MAP4K4: variants seen among roughly 807,000 people sequenced by gnomAD.
MAP4K4 encodes the protein mitogen-activated protein kinase kinase kinase kinase 4.
In MAP4K4, 38 loss-of-function variants were observed where a neutral mutation model predicts 189.6. The ratio of observed to expected loss-of-function variants is 0.20; its 90% CI spans 0.15 to 0.26. MAP4K4 has a LOEUF of 0.26. MAP4K4 is among the 10% of genes least tolerant of loss of function. The pLI, the probability that MAP4K4 is intolerant of heterozygous loss-of-function variation, is 1.00. For missense variants in MAP4K4, 1,054 were observed against 1,726.9 expected (o/e 0.61, Z 6.91); for synonymous variants, 610 against 624.3 (o/e 0.98, Z 0.34).
At chr2:101,718,805 C>G (rs1438655965) in intron 2 of MAP4K4, among the ~76,000 whole-genome samples, 2 of 152,140 alleles carry the variant, frequency 1.3e-5, no homozygotes, top group Non-Finnish European at 1.5e-5. Flanking sequence ...TTCAGTGCAT[C>G]TGGGAATCTG....
At chr2:101,698,905 C>G (rs765970170) in intron 2 of MAP4K4, among the ~76,000 whole-genome samples, 1 of 152,128 alleles carries the variant, frequency 6.6e-6, no homozygotes, top group Non-Finnish European at 1.5e-5. Context: ...GCGGGCCTTG[C>G]CTCTGACGAT....
intron 9 of MAP4K4, among the ~76,000 whole-genome samples, chr2:101,837,686 C>G (rs1439016350): frequency 6.6e-6 from 1 of 152,166 alleles, no homozygotes; most frequent in East Asian, 1.9e-4. Flanking sequence ...AAGTAGTACT[C>G]ATTTTCCCCT....
At chr2:101,730,212 G>T (rs780628454) in intron 2 of MAP4K4, among the ~76,000 whole-genome samples, 1 of 152,116 alleles carries the variant, frequency 6.6e-6, no homozygotes, top group Non-Finnish European at 1.5e-5. Context: ...ATGGCTTTCT[G>T]TCAGGATTCT....
chr2:101,747,729 T>C (rs1574811498), intron 2 of MAP4K4, among the ~76,000 whole-genome samples: 1 of 152,150 alleles, frequency 6.6e-6, no homozygotes. Flanking sequence ...TTAGAAAAGC[T>C]CTCTGAGGAA....
chr2:101,724,368 C>G lies in MAP4K4; in HGVS notation c.123+25830C>G, dbSNP rs556690602. Among the ~76,000 whole-genome samples, 8 of 152,156 alleles carry G rather than the reference C, an allele frequency of 5.3e-5. No homozygotes were observed. The South Asian group carries it at 1.7e-3, about 32-fold the overall frequency. On this transcript the variant is annotated intron_variant, in intron 2 of 32. Coordinates refer to ENST00000324219, the Ensembl canonical transcript of MAP4K4. The stretch of plus-strand genomic sequence containing the variant: ...CAGGATTAGTTATCTTGAGCCAGAT[C>G]GTGTCATCTATTTGGGCCTCAGGTT...
At chr2:101,877,476 CTTT>C (rs571878053) in intron 27 of MAP4K4, among the ~76,000 whole-genome samples, 12 of 132,804 alleles carry the variant, frequency 9.0e-5, no homozygotes, top group Admixed American at 1.5e-4. Context: ...TTCCACCAGA[CTTT>C]TTTTTTTTTT....
intron 2 of MAP4K4, among the ~76,000 whole-genome samples, chr2:101,755,451 A>G (rs1210307059): frequency 2.0e-5 from 3 of 152,166 alleles, no homozygotes; most frequent in African/African-American, 7.2e-5. Context: ...GTGGAAGAAA[A>G]AAGCTTTACT....
intron 30 of MAP4K4, 73 bp downstream of exon 30, chr2:101,887,310 TAGTGAACTA>T (rs1232264663): frequency 1.4e-6 from 2 of 1,466,180 alleles, no homozygotes; most frequent in African/African-American, 2.8e-5. Context: ...TTACTCTGCT[TAGTGAACTA>T]ACACAAGCAG....
intron 2 of MAP4K4, among the ~76,000 whole-genome samples, chr2:101,750,194 T>C (rs2068018869): frequency 6.7e-6 from 1 of 149,010 alleles, no homozygotes; most frequent in African/African-American, 2.5e-5. Flanking sequence ...CATGCTGCTA[T>C]AAAGACACAT....
exon 30 of MAP4K4, chr2:101,887,229 C>G: frequency 6.2e-7 from 1 of 1,609,624 alleles, no homozygotes; most frequent in Non-Finnish European, 8.5e-7. Flanking sequence ...CATTTATCTA[C>G]CAACACATGT....
chr2:101,822,200 A>G (rs972196089), intron 3 of MAP4K4, among the ~76,000 whole-genome samples: 1 of 152,224 alleles, frequency 6.6e-6, no homozygotes, highest in Non-Finnish European at 1.5e-5. Flanking sequence ...ATTTATTATT[A>G]TGTACTATAC....
intron 27 of MAP4K4, among the ~76,000 whole-genome samples, chr2:101,882,325 T>C (rs1303014334): frequency 6.6e-6 from 1 of 152,244 alleles, no homozygotes; most frequent in Non-Finnish European, 1.5e-5. Context: ...CCAGTTTTTC[T>C]ATTGTTATCT....
chr2:101,879,381 A>C (rs1160408082), intron 27 of MAP4K4, among the ~76,000 whole-genome samples: 2 of 151,762 alleles, frequency 1.3e-5, no homozygotes. Flanking sequence ...TAGGAAGAAT[A>C]AAACAAAATG....
chr2:101,890,803 C>T (rs1402622360), intron 32 of MAP4K4, among the ~76,000 whole-genome samples: 2 of 151,672 alleles, frequency 1.3e-5, no homozygotes, highest in Admixed American at 1.3e-4. Flanking sequence ...CTCTGTTGCC[C>T]AGGCTGGAAT....
exon 27 of MAP4K4, chr2:101,877,110 G>C: frequency 6.2e-7 from 1 of 1,613,978 alleles, no homozygotes; most frequent in Non-Finnish European, 8.5e-7. Context: ...ACAAATGGAC[G>C]TACTTGAGGG....
intron 2 of MAP4K4, among the ~76,000 whole-genome samples, chr2:101,754,727 A>G (rs889720856): frequency 2.0e-5 from 3 of 152,354 alleles, no homozygotes; most frequent in South Asian, 2.1e-4. Flanking sequence ...GAATATGCCC[A>G]GAGAATGTAA....
intron 8 of MAP4K4, among the ~76,000 whole-genome samples, chr2:101,834,854 T>G (rs1310191205): frequency 6.6e-6 from 1 of 152,240 alleles, no homozygotes; most frequent in African/African-American, 2.4e-5. Context: ...GGCAAAACTT[T>G]ATTGATAGAA....
chr2:101,706,518 C>T (rs2042380194), intron 2 of MAP4K4, among the ~76,000 whole-genome samples: 1 of 152,206 alleles, frequency 6.6e-6, no homozygotes, highest in African/African-American at 2.4e-5. Flanking sequence ...TACCTATCAT[C>T]ACCTTCCTCC....
rs565481008 is a variant in MAP4K4 at position 101,737,085 on chromosome 2, A to G, written c.123+38547A>G. 5.3e-4 allele frequency among the ~76,000 whole-genome samples: 81 copies of G among 152,296 alleles called. No individual in the cohort carries two copies. In the South Asian group the frequency reaches 0.016, roughly 29 times the overall value. ...ATTATGACAAAACCATGAAACACAG[A>G]TGATAAACCTTCTAGTAAAATTTAA... On this transcript the variant is annotated intron_variant, in intron 2 of 32. Coordinates refer to ENST00000324219, the Ensembl canonical transcript of MAP4K4.
Sources: allele counts gnomAD v4.1 joint callset (sites outside exome capture counted in the v4.1 genomes callset), GRCh38; gene constraint gnomAD v4.1.1; transcripts MANE v1.5; gene names NCBI Gene and HGNC (gene_info 2026-07-23, HGNC 2026-07-21).